The following GFPT1 variants were observed in gnomAD, a reference collection of about 807,000 sequenced individuals.
GFPT1 encodes the protein glutamine--fructose-6-phosphate aminotransferase [isomerizing] 1.
Under a neutral mutation model 92.0 loss-of-function variants are expected in GFPT1, and 40 were observed. The ratio of observed to expected loss-of-function variants is 0.43; its 90% CI spans 0.34 to 0.57. The LOEUF (loss-of-function observed/expected upper bound fraction) is 0.57. Ranked by LOEUF, GFPT1 falls within the 20% of genes least tolerant of loss-of-function variation. The pLI, the probability that GFPT1 is intolerant of heterozygous loss-of-function variation, is 0.02. For missense variants in GFPT1, 448 were observed against 869.1 expected, an observed-to-expected ratio of 0.52 and a Z score of 6.09; for synonymous variants, 269 against 280.6, an observed-to-expected ratio of 0.96 and a Z score of 0.41.
At chr2:69,379,282 C>A (rs1412398353) in intron 1 of GFPT1, among the ~76,000 whole-genome samples, 1 of 152,108 alleles carries the variant, frequency 6.6e-6, no homozygotes, top group Non-Finnish European at 1.5e-5. Context: ...AATCCCAGCA[C>A]TTTCGTAGGC....
intron 1 of GFPT1, among the ~76,000 whole-genome samples, chr2:69,383,911 A>G (rs1672066454): frequency 6.6e-6 from 1 of 152,232 alleles, no homozygotes; most frequent in Non-Finnish European, 1.5e-5. Flanking sequence ...TGCAGGCGTG[A>G]GCCACCGCGC....
At chr2:69,386,950 C>G (rs954835763) in intron 1 of GFPT1, 115 bp downstream of exon 1, 8 of 861,816 alleles carry the variant, frequency 9.3e-6, no homozygotes, top group Admixed American at 2.0e-5. Flanking sequence ...TGCCCATCAC[C>G]CAGACTTCGC....
At chr2:69,351,522 G>T (rs1287157457) in intron 9 of GFPT1, among the ~76,000 whole-genome samples, 2 of 152,116 alleles carry the variant, frequency 1.3e-5, no homozygotes, top group African/African-American at 4.8e-5. Context: ...TATCAGAAAT[G>T]TGCATTCAAA....
chr2:69,384,777 A>C (rs1430537548), intron 1 of GFPT1, among the ~76,000 whole-genome samples: 1 of 148,878 alleles, frequency 6.7e-6, no homozygotes, highest in South Asian at 2.1e-4. Flanking sequence ...GAAAGAAAGA[A>C]AAAGAAAGAA....
chr2:69,342,896 C>T (rs1439305701), intron 12 of GFPT1, among the ~76,000 whole-genome samples: 2 of 152,174 alleles, frequency 1.3e-5, no homozygotes, highest in Admixed American at 1.3e-4. Flanking sequence ...CGTCCCCATT[C>T]CCCTAATGCT....
chr2:69,347,480 CTTT>C (rs202193663), intron 11 of GFPT1, among the ~76,000 whole-genome samples: 2 of 144,370 alleles, frequency 1.4e-5, no homozygotes, highest in Non-Finnish European at 3.0e-5. Context: ...TTTTAAGCTT[CTTT>C]TTTTTTTTTT....
intron 12 of GFPT1, 69 bp downstream of exon 12, chr2:69,345,835 T>G: frequency 1.1e-6 from 1 of 886,584 alleles, no homozygotes; most frequent in Non-Finnish European, 1.9e-6. Context: ...GCAATGAACT[T>G]TCAGGTTGTT....
chr2:69,350,031 T>C lies in GFPT1; in HGVS notation c.845+47A>G, dbSNP rs746245312. On this transcript the variant is annotated intron_variant, in intron 10 of 19. Coordinates refer to ENST00000357308, the MANE Select transcript of GFPT1 (RefSeq NM_001244710.2). ...ATGACTTCTTGGGTTTCCTGCAGAA[T>C]GAGAAGTTTTACTAAAAATCTCTTT... The C allele has an allele frequency of 6.5e-6, 8 of 1,234,736 alleles. No homozygotes were observed. The Admixed American group carries it at 1.2e-4, about 19-fold the overall frequency. The allele number at this position is 1,234,736 out of a possible 1,614,324, so 76.5% of individuals were successfully genotyped here.
rs548980094 is a variant in GFPT1 at position 69,354,638 on chromosome 2, T to C, written c.606-70A>G. On this transcript the variant is annotated intron_variant, in intron 7 of 19. Coordinates refer to ENST00000357308, the MANE Select transcript of GFPT1 (RefSeq NM_001244710.2). ...AATGGACTAATGACATAAAATTTAATGGGCCAATACTCTTCAAATGTTTAA... is the reference window on the plus strand; with the variant it reads ...AATGGACTAATGACATAAAATTTAACGGGCCAATACTCTTCAAATGTTTAA... 5.5e-4 allele frequency: 477 copies of C among 865,408 alleles called. 2 individuals carry two copies. The highest frequency in any genetic ancestry group is 3.9e-3 in the South Asian group (295 of 75,218). The allele number at this position is 865,408 out of a possible 1,614,324, so 53.6% of individuals were successfully genotyped here.
intron 1 of GFPT1, among the ~76,000 whole-genome samples, chr2:69,386,768 T>G (rs1451997290): frequency 6.6e-6 from 1 of 152,206 alleles, no homozygotes; most frequent in African/African-American, 2.4e-5. Flanking sequence ...TCTCCTCCTT[T>G]TTCAATAAAG....
intron 1 of GFPT1, among the ~76,000 whole-genome samples, chr2:69,384,967 T>C (rs975851541): frequency 1.3e-5 from 2 of 152,184 alleles, no homozygotes; most frequent in Non-Finnish European, 2.9e-5. Flanking sequence ...TCTTCTTATC[T>C]TTCAGAATTT....
chr2:69,330,013 T>C (rs930854385), intron 15 of GFPT1, among the ~76,000 whole-genome samples: 1 of 151,962 alleles, frequency 6.6e-6, no homozygotes, highest in South Asian at 2.1e-4. Flanking sequence ...AGCTTAGGAG[T>C]TCGAGACCAG....
intron 9 of GFPT1, among the ~76,000 whole-genome samples, chr2:69,351,738 T>C: frequency 6.6e-6 from 1 of 152,078 alleles, no homozygotes; most frequent in East Asian, 1.9e-4. Flanking sequence ...GATGCCAAAC[T>C]GAAAAATAAA....
At chr2:69,338,795 T>C (rs1049075612) in intron 13 of GFPT1, among the ~76,000 whole-genome samples, 3 of 140,200 alleles carry the variant, frequency 2.1e-5, no homozygotes, top group Non-Finnish European at 4.5e-5. Flanking sequence ...TATCTATGTA[T>C]ACATTCCTTT....
intron 13 of GFPT1, among the ~76,000 whole-genome samples, chr2:69,340,039 A>C (rs528266223): frequency 8.5e-5 from 13 of 152,240 alleles, no homozygotes; most frequent in African/African-American, 3.1e-4. Flanking sequence ...GAAAGATAGA[A>C]ATCTGGAGGC....
intron 12 of GFPT1, 115 bp from the exon 13 acceptor site, chr2:69,342,364 T>G (rs1244537223): frequency 1.4e-6 from 1 of 736,246 alleles, no homozygotes; most frequent in Non-Finnish European, 2.4e-6. Context: ...TTTTAAAGAA[T>G]TAATATTCCT....
chr2:69,366,879 C>T (rs1671624783), intron 3 of GFPT1, among the ~76,000 whole-genome samples: 1 of 152,164 alleles, frequency 6.6e-6, no homozygotes, highest in South Asian at 2.1e-4. Flanking sequence ...TGCCCTCTGC[C>T]TGCCTTTTCT....
chr2:69,364,342 A>C (rs1352382574), intron 3 of GFPT1, among the ~76,000 whole-genome samples: 2 of 152,230 alleles, frequency 1.3e-5, no homozygotes, highest in Non-Finnish European at 2.9e-5. Context: ...TAACAGATAA[A>C]GTTAGGTGAA....
At chr2:69,331,162 C>G (rs1670653692) in intron 15 of GFPT1, among the ~76,000 whole-genome samples, 1 of 152,160 alleles carries the variant, frequency 6.6e-6, no homozygotes, top group Admixed American at 6.5e-5. Flanking sequence ...AGAATTATCT[C>G]TTTAGCAAAC....
Sources: gnomAD v4.1 joint callset for allele counts (sites outside exome capture counted in the v4.1 genomes callset) on GRCh38, gnomAD v4.1.1 for gene constraint, MANE v1.5 for transcripts, NCBI Gene and HGNC (gene_info 2026-07-23, HGNC 2026-07-21) for gene names.